Variants in CSMD1 observed in about 807,000 individuals in gnomAD.
CSMD1 encodes CUB and Sushi multiple domains 1.
A neutral mutation model predicts 417.5 loss-of-function variants in CSMD1; 213 were observed. That is an observed-to-expected ratio of 0.51 (90% confidence interval 0.46 to 0.57). CSMD1 has a LOEUF of 0.57. Among genes scored for constraint, CSMD1 ranks in the 20% least tolerant of loss-of-function variants. CSMD1 has a pLI of 0.00. For missense variants in CSMD1, 6,923 were observed against 4,529.7 expected, an observed-to-expected ratio of 1.53 and a Z score of -15.17; for synonymous variants, 2,862 against 1,736.8, an observed-to-expected ratio of 1.65 and a Z score of -16.11.
At chr8:4,548,580 T>C (rs1267543584) in intron 2 of CSMD1, among the ~76,000 whole-genome samples, 3 of 152,214 alleles carry the variant, frequency 2.0e-5, no homozygotes, top group African/African-American at 7.2e-5. Context: ...TTTTTAAATA[T>C]ATAATTAAAT....
chr8:3,998,899 G>A (rs1362125451), intron 4 of CSMD1, among the ~76,000 whole-genome samples: 1 of 148,360 alleles, frequency 6.7e-6, no homozygotes, highest in South Asian at 2.1e-4. Context: ...AATCTATATG[G>A]TAGTTTATAT....
chr8:3,702,334 T>G (rs62474751), intron 7 of CSMD1: 145,567 of 152,198 alleles, frequency 0.96, 69,680 homozygotes, highest in East Asian at 1. Flanking sequence ...ACTTTACATG[T>G]GGGGAAAATC....
intron 4 of CSMD1, among the ~76,000 whole-genome samples, chr8:4,014,940 G>C (rs1796448719): frequency 6.6e-6 from 1 of 152,202 alleles, no homozygotes; most frequent in South Asian, 2.1e-4. Context: ...AAGATTGTAT[G>C]GGATGAGATA....
In CSMD1 at chr8:3,774,047, T is replaced by C. The variant is rs80304866; in HGVS notation, c.819-20005A>G. Among the ~76,000 whole-genome samples the C allele has an allele frequency of 5.8e-4, 88 of 152,286 alleles. No individual in the cohort carries two copies. In the East Asian group the frequency reaches 7.1e-3, roughly 12 times the overall value. On this transcript the variant is annotated intron_variant, in intron 5 of 69. Transcript: ENST00000635120. ...TCCTACCTATCTTTCATTCTTGGGCTTTTGCTATTTTCCTAAAATACAGGC... is the reference window on the plus strand; with the variant it reads ...TCCTACCTATCTTTCATTCTTGGGCCTTTGCTATTTTCCTAAAATACAGGC...
intron 3 of CSMD1, among the ~76,000 whole-genome samples, chr8:4,248,416 A>C (rs933210788): frequency 2.0e-5 from 3 of 152,228 alleles, no homozygotes; most frequent in African/African-American, 7.2e-5. Context: ...TTATAAAAGA[A>C]GAGAGCCCGT....
At chr8:4,261,596 G>T (rs1050099917) in intron 3 of CSMD1, among the ~76,000 whole-genome samples, 1 of 151,968 alleles carries the variant, frequency 6.6e-6, no homozygotes, top group Admixed American at 6.6e-5. Context: ...ATTTTATAGA[G>T]ATGAGGTCTT....
At chr8:4,039,311 C>G (rs1053440267) in intron 3 of CSMD1, among the ~76,000 whole-genome samples, 2 of 152,100 alleles carry the variant, frequency 1.3e-5, no homozygotes, top group Non-Finnish European at 2.9e-5. Context: ...TGTAAACCAA[C>G]GATATCAAAT....
At chr8:2,972,830 C>T (rs6999632) in intron 57 of CSMD1, among the ~76,000 whole-genome samples, 6,535 of 152,226 alleles carry the variant, frequency 0.043, 499 homozygotes, top group African/African-American at 0.15. Flanking sequence ...ATCTAGAAAA[C>T]ACTGGCAACA....
intron 55 of CSMD1, among the ~76,000 whole-genome samples, chr8:2,977,457 G>A (rs766488371): frequency 6.6e-6 from 1 of 152,154 alleles, no homozygotes; most frequent in Non-Finnish European, 1.5e-5. Flanking sequence ...GCTGCATCAC[G>A]TTCCACGGTG....
chr8:4,723,578 G>A (rs1293590867), intron 1 of CSMD1, among the ~76,000 whole-genome samples: 4 of 152,086 alleles, frequency 2.6e-5, no homozygotes, highest in East Asian at 3.9e-4. Context: ...ACCAAATATT[G>A]TAAATTGTAT....
At chr8:4,920,955 AAAG>A (rs1297676800) in intron 1 of CSMD1, among the ~76,000 whole-genome samples, 5,006 of 22,796 alleles carry the variant, frequency 0.22, 683 homozygotes, top group South Asian at 0.38. Flanking sequence ...AGAAAGAAAG[AAAG>A]AAAGAAAGAA....
At chr8:4,580,196 C>G (rs1408793354) in intron 2 of CSMD1, among the ~76,000 whole-genome samples, 1 of 152,208 alleles carries the variant, frequency 6.6e-6, no homozygotes, top group Non-Finnish European at 1.5e-5. Flanking sequence ...GGAATCTAGC[C>G]TGAGCTTGCC....
chr8:4,446,013 CTG>C (rs1453552513), intron 2 of CSMD1, among the ~76,000 whole-genome samples: 1 of 152,114 alleles, frequency 6.6e-6, no homozygotes, highest in Non-Finnish European at 1.5e-5. Flanking sequence ...CACCCTGACT[CTG>C]TGCCAACTCT....
intron 3 of CSMD1, among the ~76,000 whole-genome samples, chr8:4,402,847 G>T (rs1240734708): frequency 8.8e-6 from 1 of 113,480 alleles, no homozygotes; most frequent in Non-Finnish European, 1.7e-5. Flanking sequence ...TGGAGACAGA[G>T]CCTTGCTCTG....
At chr8:3,281,712 T>C (rs1465993759) in intron 26 of CSMD1, among the ~76,000 whole-genome samples, 3 of 152,176 alleles carry the variant, frequency 2.0e-5, no homozygotes, top group Non-Finnish European at 4.4e-5. Context: ...AGGGAATTGT[T>C]AGGGCAGGGA....
At chr8:3,043,239 G>A (rs1287645181) in intron 50 of CSMD1, among the ~76,000 whole-genome samples, 1 of 150,014 alleles carries the variant, frequency 6.7e-6, no homozygotes, top group African/African-American at 2.5e-5. Context: ...ACCTAGTACT[G>A]TAGGATTATA....
At chr8:4,417,104 T>G (rs956870117) in intron 3 of CSMD1, among the ~76,000 whole-genome samples, 10 of 152,174 alleles carry the variant, frequency 6.6e-5, no homozygotes, top group African/African-American at 2.2e-4. Context: ...AGTTAAAATG[T>G]GTTAATTTGA....
At chr8:4,370,894 A>C (rs1043322035) in intron 3 of CSMD1, among the ~76,000 whole-genome samples, 1 of 152,162 alleles carries the variant, frequency 6.6e-6, no homozygotes, top group African/African-American at 2.4e-5. Context: ...CTCCATTGCC[A>C]TCCAGATTCT....
rs1004153504 is a variant in CSMD1, at chr8:4,375,106, T to A, written c.415+44847A>T. Among the ~76,000 whole-genome samples the A allele has an allele frequency of 4.6e-5, 7 of 152,064 alleles. No homozygotes were observed. In the East Asian group the frequency reaches 5.8e-4, roughly 13 times the overall value. On this transcript the variant is annotated intron_variant, in intron 3 of 69. Coordinates refer to ENST00000635120, the MANE Select transcript of CSMD1 (RefSeq NM_033225.6). ...TTCCAGGCATGTTCATTGGCAGACC[T>A]GAAGAACGAAGTCAAAAATGGCAAC...
Sources: allele counts gnomAD v4.1 joint callset (sites outside exome capture counted in the v4.1 genomes callset), GRCh38; gene constraint gnomAD v4.1.1; transcripts MANE v1.5; gene names NCBI Gene and HGNC (gene_info 2026-07-23, HGNC 2026-07-21).